KIF5C: variants seen among roughly 807,000 people sequenced by gnomAD.
KIF5C encodes the protein kinesin family member 5C.
In KIF5C, 18 loss-of-function variants were observed where a neutral mutation model predicts 125.2. The observed-to-expected ratio is 0.14, with a 90% confidence interval of 0.10 to 0.21. KIF5C has a LOEUF of 0.21. Ranked by LOEUF, KIF5C falls within the 10% of genes least tolerant of loss-of-function variation. The pLI is 1.00. For synonymous variants in KIF5C, 405 were observed against 434.0 expected (o/e 0.93, Z 0.83); for missense variants, 780 against 1,183.8 (o/e 0.66, Z 5.01).
intron 1 of KIF5C, among the ~76,000 whole-genome samples, chr2:148,912,869 T>G (rs1214082143): frequency 6.6e-6 from 1 of 152,216 alleles, no homozygotes; most frequent in Non-Finnish European, 1.5e-5. Context: ...CTGGGATGCA[T>G]GAGCCTTGTG....
intron 10 of KIF5C, among the ~76,000 whole-genome samples, chr2:148,954,042 C>T (rs112110362): frequency 1.3e-5 from 2 of 149,036 alleles, no homozygotes; most frequent in African/African-American, 5.0e-5. Flanking sequence ...CCCCCCACCC[C>T]CCGACAGGCC....
intron 1 of KIF5C, among the ~76,000 whole-genome samples, chr2:148,889,426 G>T: frequency 6.6e-6 from 1 of 152,154 alleles, no homozygotes; most frequent in East Asian, 1.9e-4. Flanking sequence ...AGTCTCCTGG[G>T]CTATATAGAG....
At chr2:148,926,399 C>A (rs538337770) in intron 2 of KIF5C, among the ~76,000 whole-genome samples, 3 of 152,332 alleles carry the variant, frequency 2.0e-5, no homozygotes, top group African/African-American at 7.2e-5. Context: ...AAGAAACTTT[C>A]TGTCTGCGGA....
chr2:148,980,633 T>C (rs1418314554), intron 13 of KIF5C, among the ~76,000 whole-genome samples: 1 of 152,046 alleles, frequency 6.6e-6, no homozygotes, highest in African/African-American at 2.4e-5. Flanking sequence ...ATGTAAGTGT[T>C]ATTCCTTGTC....
chr2:148,902,138 G>T (rs928658449), intron 1 of KIF5C, among the ~76,000 whole-genome samples: 11 of 152,034 alleles, frequency 7.2e-5, no homozygotes, highest in African/African-American at 2.7e-4. Flanking sequence ...TTCCCCTCCT[G>T]TTAATGCCCC....
At chr2:149,011,367 GT>G (rs561597994) in intron 24 of KIF5C, among the ~76,000 whole-genome samples, 83 of 152,286 alleles carry the variant, frequency 5.5e-4, no homozygotes, top group African/African-American at 1.9e-3. Flanking sequence ...AGTTCTTTCT[GT>G]CCCCTAAATA....
At chr2:148,902,638 C>T (rs1218323102) in intron 1 of KIF5C, among the ~76,000 whole-genome samples, 2 of 152,182 alleles carry the variant, frequency 1.3e-5, no homozygotes, top group Non-Finnish European at 2.9e-5. Context: ...GTAGTAAGTA[C>T]TTTGCCATCT....
intron 12 of KIF5C, among the ~76,000 whole-genome samples, chr2:148,975,888 T>C (rs1190546441): frequency 6.6e-6 from 1 of 152,234 alleles, no homozygotes; most frequent in African/African-American, 2.4e-5. Context: ...TAAAAGTTTC[T>C]AGTACATTGC....
chr2:148,981,330 G>A (rs776661433), intron 13 of KIF5C, 25 bp from the exon 14 acceptor site: 18 of 1,588,512 alleles, frequency 1.1e-5, no homozygotes, highest in Non-Finnish European at 1.5e-5. Flanking sequence ...AGATTCACAA[G>A]TTCCATGCCA....
At chr2:148,963,902 C>T (rs996138653) in intron 11 of KIF5C, among the ~76,000 whole-genome samples, 1 of 152,198 alleles carries the variant, frequency 6.6e-6, no homozygotes, top group Admixed American at 6.5e-5. Flanking sequence ...TTGCCTGACT[C>T]ACCATCATGC....
intron 16 of KIF5C, among the ~76,000 whole-genome samples, chr2:148,992,155 A>C (rs980613382): frequency 7.2e-5 from 11 of 152,238 alleles, no homozygotes; most frequent in African/African-American, 2.7e-4. Context: ...GTGTAATCAT[A>C]GAAACATCTC....
At chr2:149,017,701 G>C (rs1490266084) in intron 25 of KIF5C, among the ~76,000 whole-genome samples, 4 of 152,116 alleles carry the variant, frequency 2.6e-5, no homozygotes, top group Non-Finnish European at 1.5e-5. Context: ...GTAGTAAATA[G>C]AGTATTTTGA....
At chr2:148,959,795 G>C (rs925902321) in intron 10 of KIF5C, among the ~76,000 whole-genome samples, 3 of 152,316 alleles carry the variant, frequency 2.0e-5, no homozygotes, top group Middle Eastern at 6.8e-3. Flanking sequence ...ACAGGCAGGC[G>C]ATCAGAAGGA....
chr2:148,907,930 G>A (rs894895542), intron 1 of KIF5C, among the ~76,000 whole-genome samples: 1 of 152,218 alleles, frequency 6.6e-6, no homozygotes, highest in Non-Finnish European at 1.5e-5. Flanking sequence ...GGGGTCATCT[G>A]GAGATCTATG....
chr2:148,934,934 C>A, intron 3 of KIF5C: 1 of 254,178 alleles, frequency 3.9e-6, no homozygotes. Flanking sequence ...CCCCTACATC[C>A]TCCCCTGCGT....
intron 1 of KIF5C, among the ~76,000 whole-genome samples, chr2:148,900,866 G>A (rs1188830150): frequency 6.6e-6 from 1 of 152,186 alleles, no homozygotes; most frequent in Non-Finnish European, 1.5e-5. Flanking sequence ...GGTCTAGAAG[G>A]GGGCAGGTAG....
rs1268705940 is a variant in KIF5C, at chr2:148,924,988, T to A, written c.217+2761T>A. On this transcript the variant is annotated intron_variant, in intron 2 of 25. Coordinates refer to ENST00000435030, the MANE Select transcript of KIF5C (RefSeq NM_004522.3). The surrounding 1 kb of genome is among the most constrained non-coding windows in gnomAD (Gnocchi z 4.0). ...CTTTGAGTACAGGGAAAGAGACAGA[T>A]GTGTACATAATCATCACACACATAG... is the stretch of plus-strand genomic sequence containing the variant. Among the ~76,000 whole-genome samples, 1 of 152,156 alleles carries A rather than the reference T, an allele frequency of 6.6e-6. No individual in the cohort carries two copies. Among genetic ancestry groups the A allele is most frequent in the Non-Finnish European group, 1.5e-5 (1 of 68,030 alleles).
At chr2:148,929,255 T>C in intron 2 of KIF5C, 26 bp from the exon 3 acceptor site, 1 of 1,458,348 alleles carries the variant, frequency 6.9e-7, no homozygotes, top group Non-Finnish European at 9.3e-7. Context: ...AATGAGTTAA[T>C]TTTAATTTCT....
intron 15 of KIF5C, among the ~76,000 whole-genome samples, chr2:148,987,112 C>G (rs1681399109): frequency 6.6e-6 from 1 of 152,116 alleles, no homozygotes; most frequent in Non-Finnish European, 1.5e-5. Flanking sequence ...CAGAAAGAAG[C>G]ACTTTGAGGA....
Sources: gnomAD v4.1 joint callset for allele counts (sites outside exome capture counted in the v4.1 genomes callset) on GRCh38, gnomAD v4.1.1 for gene constraint, Gnocchi (gnomAD v3.1) non-coding constraint, MANE v1.5 for transcripts, NCBI Gene and HGNC (gene_info 2026-07-23, HGNC 2026-07-21) for gene names.